The following SNTG1 variants were observed in gnomAD, a reference collection of about 807,000 sequenced individuals.
SNTG1 encodes the protein syntrophin gamma 1.
Under a neutral mutation model 74.7 loss-of-function variants are expected in SNTG1, and 39 were observed. The ratio of observed to expected loss-of-function variants is 0.52; its 90% CI spans 0.40 to 0.68. The LOEUF (loss-of-function observed/expected upper bound fraction) is 0.68, where lower values mean the gene tolerates loss of function less well. SNTG1 is among the 30% of genes least tolerant of loss of function. The pLI is 0.00. For synonymous variants in SNTG1, 254 were observed against 217.1 expected, an observed-to-expected ratio of 1.17 and a Z score of -1.49; for missense variants, 685 against 609.5, an observed-to-expected ratio of 1.12 and a Z score of -1.30.
At chr8:50,059,407 C>T (rs968047207) in intron 1 of SNTG1, among the ~76,000 whole-genome samples, 1 of 152,036 alleles carries the variant, frequency 6.6e-6, no homozygotes, top group African/African-American at 2.4e-5. Context: ...TTTAGTATAT[C>T]TACAGAGGTG....
chr8:50,333,939 T>A (rs903265001), intron 2 of SNTG1, among the ~76,000 whole-genome samples: 1 of 152,232 alleles, frequency 6.6e-6, no homozygotes, highest in Non-Finnish European at 1.5e-5. Context: ...ACATGGATAA[T>A]GTACATAATT....
intron 13 of SNTG1, among the ~76,000 whole-genome samples, chr8:50,630,937 T>C (rs1446245275): frequency 6.6e-6 from 1 of 152,206 alleles, no homozygotes; most frequent in Non-Finnish European, 1.5e-5. Context: ...CTCTGGGTTT[T>C]ATGAACTAGA....
chr8:50,220,227 T>G lies in SNTG1; in HGVS notation c.-28+47592T>G, dbSNP rs186491169. ...AGATAGAAGCCATCTTTGGGGTAAT[T>G]TCAATGCAGCTGTCTTTAATGTCGA... On this transcript the variant is annotated intron_variant, in intron 2 of 18. Transcript: ENST00000642720. Among the ~76,000 whole-genome samples the G allele has an allele frequency of 1.8e-3, 278 of 152,216 alleles. 2 individuals carry two copies. Among genetic ancestry groups the G allele is most frequent in the African/African-American group, 6.3e-3 (262 of 41,538 alleles).
intron 15 of SNTG1, among the ~76,000 whole-genome samples, chr8:50,691,732 G>A (rs1234678989): frequency 6.6e-6 from 1 of 152,092 alleles, no homozygotes; most frequent in African/African-American, 2.4e-5. Context: ...GTGTCTTGGA[G>A]TTGCTCTTCT....
intron 1 of SNTG1, among the ~76,000 whole-genome samples, chr8:50,030,591 T>C (rs1817659235): frequency 6.6e-6 from 1 of 152,082 alleles, no homozygotes; most frequent in African/African-American, 2.4e-5. Flanking sequence ...ACACCATTTA[T>C]GGAACAGACT....
At chr8:50,302,316 C>A (rs2089687329) in intron 2 of SNTG1, among the ~76,000 whole-genome samples, 1 of 152,154 alleles carries the variant, frequency 6.6e-6, no homozygotes, top group African/African-American at 2.4e-5. Context: ...TTCCAGACAA[C>A]CAACAGCGTT....
chr8:50,266,054 G>C (rs2087448736), intron 2 of SNTG1, among the ~76,000 whole-genome samples: 1 of 142,112 alleles, frequency 7.0e-6, no homozygotes, highest in African/African-American at 2.5e-5. Flanking sequence ...CAAAATCCTA[G>C]CTTTTTTTTT....
intron 13 of SNTG1, among the ~76,000 whole-genome samples, chr8:50,648,053 A>C (rs1238307786): frequency 1.3e-5 from 2 of 152,176 alleles, no homozygotes; most frequent in African/African-American, 4.8e-5. Context: ...ACTTTTTGGC[A>C]TCTGAGACCA....
chr8:50,055,792 A>G (rs1190165222), intron 1 of SNTG1, among the ~76,000 whole-genome samples: 1 of 152,156 alleles, frequency 6.6e-6, no homozygotes, highest in Non-Finnish European at 1.5e-5. Context: ...TTAGAAAACA[A>G]GTCATTTGCA....
rs940291765 is a variant in SNTG1, at chr8:50,793,692, T to A, written c.*863T>A. 1 of 151,932 alleles carries A rather than the reference T, an allele frequency of 6.6e-6. No homozygotes were observed. The highest frequency in any genetic ancestry group is 6.6e-5 in the Admixed American group (1 of 15,178). The allele number at this position is 151,932 out of a possible 1,614,324, so 9.4% of individuals were successfully genotyped here. On this transcript the variant is annotated 3_prime_UTR_variant, in exon 19 of 19. Coordinates refer to ENST00000642720, the MANE Select transcript of SNTG1 (RefSeq NM_018967.5). The stretch of plus-strand genomic sequence containing the variant: ...AATTTTCAGTGAACCCAAAACCTTT[T>A]GTAGAGAAAATAATATAAACAAATA...
Position 50,590,910 on chromosome 8 carries a change from A to G in SNTG1, c.842A>G (p.Asn281Ser). Residue 281 changes from asparagine to serine, a missense_variant, in exon 13 of 19, where the codon AAC (asparagine) becomes AGC (serine). Physicochemically the swap from Asn to Ser is conservative, Grantham distance 46 (BLOSUM62 1). Coordinates refer to ENST00000642720, the MANE Select transcript of SNTG1 (RefSeq NM_018967.5). ...IKKINRNFPV[N>S]QQIVYMGWCE... Reference sequence around the variant, plus strand: ...AAAATCAACAGAAACTTTCCTGTAAACCAGCAGGTAAGATCAAAGCATACT... The same window carrying G: ...AAAATCAACAGAAACTTTCCTGTAAGCCAGCAGGTAAGATCAAAGCATACT... 6.4e-7 allele frequency: 1 copy of G among 1,570,470 alleles called. No individual in the cohort carries two copies. The highest frequency in any genetic ancestry group is 8.7e-7 in the Non-Finnish European group (1 of 1,154,328).
intron 15 of SNTG1, among the ~76,000 whole-genome samples, chr8:50,681,960 G>C (rs2095332649): frequency 6.6e-6 from 1 of 152,134 alleles, no homozygotes; most frequent in African/African-American, 2.4e-5. Flanking sequence ...CAAGACCTTG[G>C]AGTCACTCCT....
intron 2 of SNTG1, among the ~76,000 whole-genome samples, chr8:50,209,472 G>GTGT (rs2084406546): frequency 6.6e-6 from 1 of 152,178 alleles, no homozygotes; most frequent in Non-Finnish European, 1.5e-5. Context: ...ACACCTCCCA[G>GTGT]TAGGGGCCGA....
At chr8:50,281,191 C>T (rs374898790) in intron 2 of SNTG1, among the ~76,000 whole-genome samples, 26 of 152,006 alleles carry the variant, frequency 1.7e-4, no homozygotes, top group East Asian at 5.8e-4. Context: ...AATTTGGTAT[C>T]CTACTGCAAC....
At chr8:50,288,954 A>G (rs947211144) in intron 2 of SNTG1, among the ~76,000 whole-genome samples, 1 of 152,144 alleles carries the variant, frequency 6.6e-6, no homozygotes, top group Non-Finnish European at 1.5e-5. Flanking sequence ...ACTAGGAAAA[A>G]TATTAATTCC....
chr8:49,916,789 T>A (rs925782169), intron 1 of SNTG1, among the ~76,000 whole-genome samples: 1 of 151,908 alleles, frequency 6.6e-6, no homozygotes, highest in East Asian at 1.9e-4. Flanking sequence ...GAGGATCACT[T>A]GAAGCCAGGA....
At chr8:50,214,265 G>A (rs200544173) in intron 2 of SNTG1, among the ~76,000 whole-genome samples, 20 of 110,994 alleles carry the variant, frequency 1.8e-4, no homozygotes, top group Non-Finnish European at 2.8e-4. Flanking sequence ...TTGTGGGGTG[G>A]GGGGAGGGGG....
At chr8:50,356,219 C>T (rs2091812963) in intron 2 of SNTG1, among the ~76,000 whole-genome samples, 1 of 151,908 alleles carries the variant, frequency 6.6e-6, no homozygotes, top group African/African-American at 2.4e-5. Flanking sequence ...TTGACAGGAG[C>T]CATTCAAGTC....
chr8:50,588,101 CAGA>C, intron 12 of SNTG1, among the ~76,000 whole-genome samples: 1 of 148,776 alleles, frequency 6.7e-6, no homozygotes, highest in Admixed American at 6.7e-5. Flanking sequence ...GCCTGGGTGA[CAGA>C]ATGAGACTCC....
Sources: allele counts gnomAD v4.1 joint callset (sites outside exome capture counted in the v4.1 genomes callset), GRCh38; gene constraint gnomAD v4.1.1; transcripts MANE v1.5; gene names NCBI Gene and HGNC (gene_info 2026-07-23, HGNC 2026-07-21).